CNTN4: variants seen among roughly 807,000 people sequenced by gnomAD.
The protein encoded by CNTN4 is contactin 4, also known as contactin-4.
A neutral mutation model predicts 122.5 loss-of-function variants in CNTN4; 77 were observed. The ratio of observed to expected loss-of-function variants is 0.63; its 90% confidence interval spans 0.52 to 0.76. The LOEUF is 0.76. Among genes scored for constraint, CNTN4 ranks in the 30% least tolerant of loss-of-function variants. CNTN4 has a pLI of 0.00. For synonymous variants in CNTN4, 512 were observed against 447.0 expected (o/e 1.15, Z -1.83); for missense variants, 1,256 against 1,259.1 (o/e 1.00, Z 0.04).
chr3:2,751,746 A>G (rs2090103564), intron 6 of CNTN4, among the ~76,000 whole-genome samples: 1 of 152,088 alleles, frequency 6.6e-6, no homozygotes, highest in Non-Finnish European at 1.5e-5. Context: ...CAGTCACTCA[A>G]CACAGCAACT....
chr3:2,465,398 C>T (rs982370227), intron 3 of CNTN4, among the ~76,000 whole-genome samples: 6 of 152,028 alleles, frequency 3.9e-5, no homozygotes, highest in South Asian at 2.1e-4. Flanking sequence ...AAATAATGTC[C>T]GGGCGTGGTG....
chr3:2,456,257 T>C (rs2048995231), intron 3 of CNTN4, among the ~76,000 whole-genome samples: 2 of 152,018 alleles, frequency 1.3e-5, no homozygotes, highest in Admixed American at 1.3e-4. Flanking sequence ...AGAGTAGCAG[T>C]CTTCCTCCTC....
At chr3:2,617,722 C>T (rs1357707079) in intron 4 of CNTN4, among the ~76,000 whole-genome samples, 3 of 151,636 alleles carry the variant, frequency 2.0e-5, no homozygotes, top group East Asian at 1.9e-4. Flanking sequence ...GTGGCCGACC[C>T]GAGAAATGCC....
At chr3:2,959,917 C>A (rs1193680115) in intron 13 of CNTN4, among the ~76,000 whole-genome samples, 1 of 152,174 alleles carries the variant, frequency 6.6e-6, no homozygotes, top group African/African-American at 2.4e-5. Flanking sequence ...TTCAAGTCAG[C>A]ATTTCAAATT....
intron 2 of CNTN4, among the ~76,000 whole-genome samples, chr3:2,123,497 G>A (rs1374794460): frequency 6.6e-6 from 1 of 152,154 alleles, no homozygotes; most frequent in Non-Finnish European, 1.5e-5. Flanking sequence ...GGTTGGTCCA[G>A]CTTTTGCACC....
chr3:3,005,848 C>T (rs1014673423), intron 14 of CNTN4, among the ~76,000 whole-genome samples: 10 of 151,422 alleles, frequency 6.6e-5, no homozygotes, highest in Admixed American at 2.0e-4. Flanking sequence ...GGGAAACAAA[C>T]ATTAGTCAAT....
chr3:2,308,414 C>T (rs1315175335), intron 2 of CNTN4, among the ~76,000 whole-genome samples: 1 of 151,718 alleles, frequency 6.6e-6, no homozygotes, highest in East Asian at 1.9e-4. Flanking sequence ...TATTTTACTC[C>T]AGTCTTTATT....
At chr3:2,113,404 A>G (rs1443460174) in intron 2 of CNTN4, among the ~76,000 whole-genome samples, 1 of 152,214 alleles carries the variant, frequency 6.6e-6, no homozygotes, top group Non-Finnish European at 1.5e-5. Context: ...ATTGTAGCCC[A>G]TTGATTGGCA....
intron 3 of CNTN4, among the ~76,000 whole-genome samples, chr3:2,340,907 G>C (rs1421353056): frequency 1.3e-5 from 2 of 151,752 alleles, no homozygotes; most frequent in African/African-American, 4.8e-5. Flanking sequence ...CAGCTGCTTG[G>C]GTCTTCTGAT....
At chr3:2,921,404 C>T (rs2094428815) in intron 12 of CNTN4, among the ~76,000 whole-genome samples, 1 of 152,178 alleles carries the variant, frequency 6.6e-6, no homozygotes, top group African/African-American at 2.4e-5. Context: ...AATCTTCTAC[C>T]AGTAGCCTTC....
In CNTN4 at chr3:3,038,992, A is replaced by G. The variant is rs766976210; in HGVS notation, c.2152A>G (p.Ile718Val). 65 of 1,613,582 alleles carry G rather than the reference A, an allele frequency of 4.0e-5. No homozygotes were observed. Among genetic ancestry groups the G allele is most frequent in the Non-Finnish European group, 5.2e-5 (61 of 1,179,562 alleles). ...GGGGSKSELV[I>V]TWETVPEELQ... ...CGGAGGCAGCAAATCTGAACTGGTT[A>G]TAACCTGGGAGGTAAATGAATCACA... The change falls in exon 19 of 25, where the codon ATA becomes GTA. Residue 718 changes from isoleucine (I) to valine (V), a missense_variant. Ile to Val is a conservative substitution (Grantham distance 29). Transcript: ENST00000418658.
At chr3:2,797,562 C>T (rs992494809) in intron 6 of CNTN4, among the ~76,000 whole-genome samples, 1 of 152,144 alleles carries the variant, frequency 6.6e-6, no homozygotes, top group South Asian at 2.1e-4. Context: ...CGCGCCACTG[C>T]ACTCCAGCCT....
chr3:2,540,767 T>C (rs1269254616), intron 3 of CNTN4, among the ~76,000 whole-genome samples: 2 of 152,120 alleles, frequency 1.3e-5, no homozygotes, highest in Non-Finnish European at 2.9e-5. Context: ...TTTATTTGTC[T>C]TGATCCAAGG....
intron 4 of CNTN4, among the ~76,000 whole-genome samples, chr3:2,696,166 G>T (rs1380375817): frequency 6.6e-6 from 1 of 152,196 alleles, no homozygotes; most frequent in Non-Finnish European, 1.5e-5. Flanking sequence ...CAGCATATTA[G>T]CTTTTCAAGA....
At chr3:2,674,910 A>G (rs1187049848) in intron 4 of CNTN4, among the ~76,000 whole-genome samples, 1 of 152,164 alleles carries the variant, frequency 6.6e-6, no homozygotes, top group African/African-American at 2.4e-5. Context: ...AGCCTCTAGT[A>G]GCCTCTATTC....
At chr3:2,771,721 T>A (rs913466724) in intron 6 of CNTN4, among the ~76,000 whole-genome samples, 50 of 152,148 alleles carry the variant, frequency 3.3e-4, no homozygotes, top group African/African-American at 1.1e-3. Context: ...AGGAAGATCT[T>A]GTACTTTAGT....
intron 2 of CNTN4, among the ~76,000 whole-genome samples, chr3:2,208,204 C>G (rs1361710216): frequency 6.6e-6 from 1 of 152,130 alleles, no homozygotes. Flanking sequence ...TCACCATTTT[C>G]TATGCCATAA....
intron 3 of CNTN4, among the ~76,000 whole-genome samples, chr3:2,414,825 A>C (rs1168090608): frequency 6.6e-6 from 1 of 152,212 alleles, no homozygotes; most frequent in Non-Finnish European, 1.5e-5. Context: ...AACACAGCCC[A>C]AAAGAATATT....
intron 2 of CNTN4, among the ~76,000 whole-genome samples, chr3:2,257,153 A>G (rs1362371394): frequency 6.6e-6 from 1 of 152,240 alleles, no homozygotes; most frequent in African/African-American, 2.4e-5. Context: ...CACCCATCTG[A>G]TCTTTGACTA....
Sources: gnomAD v4.1 joint callset for allele counts (sites outside exome capture counted in the v4.1 genomes callset) on GRCh38, gnomAD v4.1.1 for gene constraint, MANE v1.5 for transcripts, NCBI Gene and HGNC (gene_info 2026-07-23, HGNC 2026-07-21) for gene names.